The following PIGQ variants were observed in gnomAD, a reference collection of about 807,000 sequenced individuals.
PIGQ encodes the protein phosphatidylinositol glycan anchor biosynthesis class Q.
A neutral mutation model predicts 60.3 loss-of-function variants in PIGQ; 54 were observed. The observed-to-expected ratio is 0.90, with a 90% CI of 0.72 to 1.12. The LOEUF is 1.12. Among genes scored for constraint, PIGQ ranks in the 50% most tolerant of loss-of-function variants. The pLI is 0.00. For synonymous variants in PIGQ, 416 were observed against 363.7 expected, an observed-to-expected ratio of 1.14 and a Z score of -1.64; for missense variants, 799 against 793.5, an observed-to-expected ratio of 1.01 and a Z score of -0.08.
intron 1 of PIGQ, 124 bp downstream of exon 1, chr16:570,220 G>T (rs2035598624): frequency 6.6e-6 from 1 of 151,968 alleles, no homozygotes; most frequent in East Asian, 1.9e-4. Flanking sequence ...CAGAAGTGGG[G>T]CCGCCCCCGG....
intron 8 of PIGQ, chr16:580,640 C>T (rs2035795346): frequency 6.9e-6 from 4 of 581,890 alleles, no homozygotes; most frequent in Non-Finnish European, 1.2e-5. Flanking sequence ...TGTGGGGAGG[C>T]ACCTCTGACC....
At chr16:580,755 C>T in intron 8 of PIGQ, 103 bp from the exon 9 acceptor site, 1 of 737,458 alleles carries the variant, frequency 1.4e-6, no homozygotes, top group Non-Finnish European at 2.5e-6. Context: ...CCCCAGGACC[C>T]TGCAGCCTCT....
rs1438857647 is a variant in PIGQ, at chr16:583,613, C to T, written c.*578C>T. 6 of 1,612,664 alleles carry T rather than the reference C, an allele frequency of 3.7e-6. No individual in the cohort carries two copies. In the African/African-American group the frequency reaches 4.0e-5, roughly 11 times the overall value. On this transcript the variant is annotated 3_prime_UTR_variant, in exon 11 of 11. Transcript: ENST00000321878. ...CACACGGGGTTTATTTGCGGATGTT[C>T]CCTGGAGAGGTCGCTTTGTGAAGAA...
intron 4 of PIGQ, among the ~76,000 whole-genome samples, chr16:577,430 A>T (rs1223651698): frequency 1.3e-5 from 2 of 152,072 alleles, no homozygotes; most frequent in Non-Finnish European, 2.9e-5. Context: ...ACAAAAAATT[A>T]GCCAGGTATG....
intron 2 of PIGQ, 53 bp from the exon 3 acceptor site, chr16:575,786 G>A (rs983264512): frequency 7.8e-6 from 12 of 1,529,710 alleles, no homozygotes; most frequent in African/African-American, 6.9e-5. Context: ...AGTGGGGGAC[G>A]GTGGGAGGAG....
rs1234745697 is a variant in PIGQ, at chr16:575,929, C to T, written c.780C>T (p.Ile260=). ...ACCGGCTGGAGCACCTCACGCTAATCTTCAGTACACGGAAGGCGGAGAACC... is the reference window on the plus strand; with the variant it reads ...ACCGGCTGGAGCACCTCACGCTAATTTTCAGTACACGGAAGGCGGAGAACC... The part of the protein sequence containing the change: ...LRHRLEHLTL[I]FSTRKAENPA... Residue 260 remains isoleucine, a synonymous_variant, in exon 3 of 11, where the codon ATC becomes ATT. Coordinates refer to ENST00000321878, the MANE Select transcript of PIGQ (RefSeq NM_004204.5). 1.8e-5 allele frequency: 29 copies of T among 1,583,778 alleles called. No individual in the cohort carries two copies. Among genetic ancestry groups the T allele is most frequent in the Non-Finnish European group, 2.5e-5 (29 of 1,165,130 alleles).
chr16:575,778 T>C, intron 2 of PIGQ, 61 bp from the exon 3 acceptor site: 1 of 1,509,570 alleles, frequency 6.6e-7, no homozygotes, highest in Non-Finnish European at 8.9e-7. Flanking sequence ...CCCTGCACAG[T>C]GGGGGACGGT....
In PIGQ at chr16:574,403, C is replaced by G. The variant is rs199532198; in HGVS notation, c.329C>G (p.Thr110Ser). ...RGGTFWSCEATHRQAPTAPGA... is the reference protein window; with the variant it reads ...RGGTFWSCEASHRQAPTAPGA... ...GGCACGTTCTGGAGCTGCGAGGCCA[C>G]CCACCGGCAAGCGCCCACTGCCCCC... Residue 110 changes from threonine to serine, a missense_variant, in exon 2 of 11, where the codon ACC becomes AGC. Physicochemically the swap from Thr to Ser is moderately conservative, Grantham distance 58. Transcript: ENST00000321878. 67 of 1,610,622 alleles carry G rather than the reference C, an allele frequency of 4.2e-5. No individual in the cohort carries two copies. The East Asian group carries it at 1.3e-3, about 32-fold the overall frequency.
intron 9 of PIGQ, 35 bp from the exon 10 acceptor site, chr16:582,213 C>T (rs372591774): frequency 2.7e-4 from 391 of 1,462,984 alleles, no homozygotes; most frequent in Non-Finnish European, 2.9e-4. Context: ...CCAGCCCCCA[C>T]GCGTCCCCTC....
intron 4 of PIGQ, 143 bp downstream of exon 4, chr16:576,397 A>G: frequency 1.9e-6 from 2 of 1,027,670 alleles, no homozygotes; most frequent in South Asian, 3.3e-5. Context: ...CCTCCCCTGA[A>G]CCAGAAGCAG....
intron 4 of PIGQ, chr16:576,744 T>G: frequency 7.5e-6 from 3 of 398,202 alleles, no homozygotes; most frequent in Non-Finnish European, 8.9e-6. Flanking sequence ...ATCTCCCACC[T>G]TCCCTGCATG....
intron 10 of PIGQ, chr16:582,635 G>A (rs776756568): frequency 1.0e-5 from 6 of 587,816 alleles, no homozygotes; most frequent in African/African-American, 3.7e-5. Flanking sequence ...TGGGGTGTGC[G>A]TCCCTGTGGC....
At chr16:571,844 CAG>C (rs1440656915) in intron 1 of PIGQ, among the ~76,000 whole-genome samples, 1 of 151,520 alleles carries the variant, frequency 6.6e-6, no homozygotes. Context: ...CACTACTCGA[CAG>C]AGAAGAGTAG....
rs760673037 is a variant in PIGQ at position 576,032 on chromosome 16, C to T, written c.821+62C>T. ...GTGCCCTCTGGCCCCTTCTCCATCCCCCTCTGCACCACGCTGACCCCTCCG... is the reference window on the plus strand; with the variant it reads ...GTGCCCTCTGGCCCCTTCTCCATCCTCCTCTGCACCACGCTGACCCCTCCG... On this transcript the variant is annotated intron_variant, in intron 3 of 10. Coordinates refer to ENST00000321878, the MANE Select transcript of PIGQ (RefSeq NM_004204.5). 3.9e-6 allele frequency: 6 copies of T among 1,550,070 alleles called. No individual in the cohort carries two copies. In the Middle Eastern group the frequency reaches 8.3e-4, roughly 216 times the overall value.
In PIGQ at chr16:581,063, T is replaced by C. The variant is rs1222995053; in HGVS notation, c.1531+91T>C. On this transcript the variant is annotated intron_variant, in intron 9 of 10. Transcript: ENST00000321878. Reference sequence around the variant, plus strand: ...CAGAAGCAAGGACAGCATGGGCCACTGTGCCTCCAGCCTGGAAGCCGTGGT... The same window carrying C: ...CAGAAGCAAGGACAGCATGGGCCACCGTGCCTCCAGCCTGGAAGCCGTGGT... 6 of 1,326,088 alleles carry C rather than the reference T, an allele frequency of 4.5e-6. No homozygotes were observed. The East Asian group carries it at 9.2e-5, about 20-fold the overall frequency. The allele number at this position is 1,326,088 out of a possible 1,614,324, so 82.1% of individuals were successfully genotyped here.
chr16:574,727 G>A lies in PIGQ; in HGVS notation c.653G>A (p.Ser218Asn), dbSNP rs1422911159. ...GGACCCATTTGCCTGCTGTTGGCCA[G>A]CCTGCTGTCGCTGGTCTCAGCTGTC... ...ASGPICLLLASLLSLVSAVSA... is the reference protein window; with the variant it reads ...ASGPICLLLANLLSLVSAVSA... Residue 218 changes from serine (S) to asparagine (N), a missense_variant, in exon 2 of 11, where the codon AGC (serine) becomes AAC (asparagine). By Grantham distance (46) the Ser-to-Asn change is conservative. Transcript: ENST00000321878. 3 of 1,586,168 alleles carry A rather than the reference G, an allele frequency of 1.9e-6. 1 individual carries two copies. In the South Asian group the frequency reaches 3.3e-5, roughly 18 times the overall value.
In PIGQ at chr16:578,447, C is replaced by T; in HGVS notation, c.1011C>T (p.Asn337=). 6.2e-7 allele frequency: 1 copy of T among 1,612,712 alleles called. No individual in the cohort carries two copies. The highest frequency in any genetic ancestry group is 8.5e-7 in the Non-Finnish European group (1 of 1,179,888). The change falls in exon 5 of 11, where the codon AAC becomes AAT. Residue 337 remains asparagine (N), a synonymous_variant. Coordinates refer to ENST00000321878, the MANE Select transcript of PIGQ (RefSeq NM_004204.5). ...GTGCTCCCGCCGGGCTCAAGATGAA[C>T]CGTGCACTGGACCAGGTGCTGGGCC... The part of the protein sequence containing the change: ...LMGAPAGLKM[N]RALDQVLGRF...
In PIGQ at chr16:574,604, G is replaced by A. The variant is rs774945335; in HGVS notation, c.530G>A (p.Arg177His). 9.3e-5 allele frequency: 150 copies of A among 1,605,134 alleles called. No individual in the cohort carries two copies. In the Middle Eastern group the frequency reaches 1.0e-3, roughly 11 times the overall value. Residue 177 changes from arginine (R) to histidine (H), a missense_variant, in exon 2 of 11, where the codon CGC (arginine) becomes CAC (histidine). Coordinates refer to ENST00000321878, the MANE Select transcript of PIGQ (RefSeq NM_004204.5). Reference protein sequence around the residue: ...DTVARSEVLFRSDRFDEGPVR... With the variant: ...DTVARSEVLFHSDRFDEGPVR... ...GTAGCACGCAGTGAGGTGCTCTTCC[G>A]CAGTGACCGCTTTGATGAGGGCCCC...
At chr16:571,073 G>C (rs1416381700) in intron 1 of PIGQ, among the ~76,000 whole-genome samples, 25 of 12,440 alleles carry the variant, frequency 2.0e-3, no homozygotes, top group African/African-American at 8.4e-3. Flanking sequence ...GTGTGTGTGT[G>C]TGTGTGTGTG....
Sources: allele counts gnomAD v4.1 joint callset (sites outside exome capture counted in the v4.1 genomes callset), GRCh38; gene constraint gnomAD v4.1.1; transcripts MANE v1.5; gene names NCBI Gene and HGNC (gene_info 2026-07-23, HGNC 2026-07-21).